Variants in SGCD observed in about 807,000 individuals in gnomAD.
SGCD encodes the protein sarcoglycan delta, also known as delta-sarcoglycan.
Under a neutral mutation model 36.6 loss-of-function variants are expected in SGCD, and 18 were observed. The observed-to-expected ratio is 0.49, with a 90% CI of 0.34 to 0.73. The LOEUF is 0.73. Ranked by LOEUF, SGCD falls within the 30% of genes least tolerant of loss-of-function variation. The pLI is 0.01. For synonymous variants in SGCD, 133 were observed against 130.6 expected (o/e 1.02, Z -0.12); for missense variants, 387 against 346.7 (o/e 1.12, Z -0.92).
At chr5:156,185,319 A>C (rs190340596) in intron 3 of SGCD, among the ~76,000 whole-genome samples, 2,715 of 146,804 alleles carry the variant, frequency 0.018, 32 homozygotes, top group Non-Finnish European at 0.026. Context: ...GGTTCACACC[A>C]TTCTCCTGTC....
At chr5:156,251,245 G>T (rs1300241801) in intron 3 of SGCD, among the ~76,000 whole-genome samples, 1 of 152,130 alleles carries the variant, frequency 6.6e-6, no homozygotes, top group African/African-American at 2.4e-5. Context: ...AGTGACTAAA[G>T]ATAATCTGGA....
At chr5:156,141,942 G>A (rs1762591732) in intron 3 of SGCD, among the ~76,000 whole-genome samples, 1 of 152,152 alleles carries the variant, frequency 6.6e-6, no homozygotes, top group South Asian at 2.1e-4. Context: ...TGAGGAAAAA[G>A]CTATTTTCAG....
intron 7 of SGCD, among the ~76,000 whole-genome samples, chr5:156,649,475 T>C (rs1304765569): frequency 6.6e-6 from 1 of 152,154 alleles, no homozygotes; most frequent in Non-Finnish European, 1.5e-5. Context: ...TGTCCAACAA[T>C]GATAGACTGG....
chr5:156,562,697 G>A (rs1481770155), intron 4 of SGCD, among the ~76,000 whole-genome samples: 1 of 152,002 alleles, frequency 6.6e-6, no homozygotes, highest in Non-Finnish European at 1.5e-5. Context: ...AGCTGAGAGA[G>A]GCCATTGCAG....
rs1428740745 is a variant in SGCD at position 156,444,107 on chromosome 5, TCTCTCTCTCC to T, written c.193-64492_193-64483del. ...CTCTCTCTCTCTCTCTCTCTCTCTCTCTCTCTCTCCCCTTCCCTCTCTCTCTCTCTCCTTC... is the reference window on the plus strand; with the variant it reads ...CTCTCTCTCTCTCTCTCTCTCTCTCTCCTTCCCTCTCTCTCTCTCTCCTTC... On this transcript the variant is annotated intron_variant, in intron 3 of 8. Transcript: ENST00000337851. 5.8e-3 allele frequency among the ~76,000 whole-genome samples: 594 copies of T among 102,312 alleles called. 15 individuals carry two copies. Among genetic ancestry groups the T allele is most frequent in the African/African-American group, 0.031 (558 of 18,150 alleles). The allele number at this position is 102,312 out of a possible 152,430, so 67.1% of individuals were successfully genotyped here.
At chr5:156,533,259 C>T (rs1445965983) in intron 4 of SGCD, among the ~76,000 whole-genome samples, 1 of 152,142 alleles carries the variant, frequency 6.6e-6, no homozygotes, top group Non-Finnish European at 1.5e-5. Flanking sequence ...TTTTTCTCCA[C>T]TCAAACTGCA....
intron 3 of SGCD, chr5:156,458,412 A>G: frequency 1.9e-6 from 3 of 1,599,404 alleles, no homozygotes; most frequent in Non-Finnish European, 2.6e-6. Context: ...GATGTGATCG[A>G]TGTAGTAGAC....
chr5:155,787,186 A>G, the SGCD span, among the ~76,000 whole-genome samples: 1 of 152,140 alleles, frequency 6.6e-6, no homozygotes, highest in Non-Finnish European at 1.5e-5. Context: ...CTTTTAGGAC[A>G]TTTTACTCAC....
intron 3 of SGCD, among the ~76,000 whole-genome samples, chr5:156,459,049 G>T (rs1754372796): frequency 6.6e-6 from 1 of 152,114 alleles, no homozygotes; most frequent in Non-Finnish European, 1.5e-5. Context: ...ATCTAAGAGT[G>T]CAGGATCTCT....
chr5:155,811,445 C>T, the SGCD span, among the ~76,000 whole-genome samples: 1 of 152,174 alleles, frequency 6.6e-6, no homozygotes, highest in Non-Finnish European at 1.5e-5. Flanking sequence ...AAGAAGCACT[C>T]ATTTATGGTC....
chr5:155,827,293 C>T, the SGCD span, among the ~76,000 whole-genome samples: 1 of 152,252 alleles, frequency 6.6e-6, no homozygotes, highest in Non-Finnish European at 1.5e-5. Context: ...GGAGTGGGGA[C>T]ATCAGGGATG....
At chr5:156,543,781 T>C (rs1265466949) in intron 4 of SGCD, among the ~76,000 whole-genome samples, 2 of 152,212 alleles carry the variant, frequency 1.3e-5, no homozygotes, top group African/African-American at 4.8e-5. Context: ...AGAAACCACA[T>C]TTATGGCTCT....
intron 3 of SGCD, among the ~76,000 whole-genome samples, chr5:156,421,526 C>T (rs557462833): frequency 2.0e-5 from 3 of 152,184 alleles, no homozygotes; most frequent in African/African-American, 7.2e-5. Context: ...CACACATGAT[C>T]TTATGGTCTA....
chr5:155,944,986 G>A (rs563878195), intron 1 of SGCD, among the ~76,000 whole-genome samples: 6 of 152,026 alleles, frequency 3.9e-5, no homozygotes, highest in Non-Finnish European at 7.4e-5. Flanking sequence ...AACACATACC[G>A]AGAGTTTTTC....
At chr5:155,861,116 G>A in the SGCD span, among the ~76,000 whole-genome samples, 8 of 152,184 alleles carry the variant, frequency 5.3e-5, no homozygotes, top group Admixed American at 2.0e-4. Flanking sequence ...AATATTCACC[G>A]AATTCCTACA....
chr5:156,267,207 G>A (rs901652119), intron 3 of SGCD, among the ~76,000 whole-genome samples: 2 of 152,164 alleles, frequency 1.3e-5, no homozygotes, highest in Admixed American at 6.5e-5. Flanking sequence ...CTTAATAAGC[G>A]ATAGTTTCCA....
At chr5:156,303,978 G>A (rs540167600) in intron 3 of SGCD, among the ~76,000 whole-genome samples, 19 of 152,012 alleles carry the variant, frequency 1.2e-4, no homozygotes, top group South Asian at 2.1e-4. Context: ...CTGGTGTCTC[G>A]CTAGGTCATA....
intron 3 of SGCD, among the ~76,000 whole-genome samples, chr5:156,304,057 T>G (rs1197981211): frequency 6.6e-6 from 1 of 152,112 alleles, no homozygotes; most frequent in African/African-American, 2.4e-5. Context: ...GCAGTCCTTG[T>G]GGCCTAGACT....
At chr5:156,550,532 C>T (rs1415538840) in intron 4 of SGCD, among the ~76,000 whole-genome samples, 1 of 152,192 alleles carries the variant, frequency 6.6e-6, no homozygotes, top group East Asian at 1.9e-4. Flanking sequence ...CATTGATTTA[C>T]ACTCAGATCC....
Sources: allele counts gnomAD v4.1 joint callset (sites outside exome capture counted in the v4.1 genomes callset), GRCh38; gene constraint gnomAD v4.1.1; transcripts MANE v1.5; gene names NCBI Gene and HGNC (gene_info 2026-07-23, HGNC 2026-07-21).